The following CYP20A1 variants were observed in gnomAD, a reference collection of about 807,000 sequenced individuals.
The protein encoded by CYP20A1 is cytochrome P450 20A1.
CYP20A1 carries 61 observed loss-of-function variants against 61.4 expected under a neutral mutation model. The ratio of observed to expected loss-of-function variants is 0.99; its 90% CI spans 0.81 to 1.23. The LOEUF is 1.23. Among genes scored for constraint, CYP20A1 ranks in the 50% most tolerant of loss-of-function variants. CYP20A1 has a pLI of 0.00. For synonymous variants in CYP20A1, 193 were observed against 188.2 expected (o/e 1.03, Z -0.21); for missense variants, 530 against 542.4 (o/e 0.98, Z 0.23).
rs1279567009 is a variant in CYP20A1, at chr2:203,246,881, T to C, written c.249T>C (p.Thr83=). 6.2e-7 allele frequency: 1 copy of C among 1,614,086 alleles called. No individual in the cohort carries two copies. The highest frequency in any genetic ancestry group is 1.7e-5 in the Admixed American group (1 of 59,984). The part of the protein sequence containing the change: ...FGRRLVVSLG[T]VDVLKQHINP... ...GGCGCCTCGTGGTTAGTTTGGGCAC[T>C]GTTGATGTACTGAAGCAGCATATCA... Residue 83 remains threonine, a synonymous_variant, in exon 3 of 13, where the codon ACT becomes ACC. Transcript: ENST00000356079.
At position 203,242,183 on chromosome 2, in the gene CYP20A1, G is replaced by A. The variant is rs183849982; in HGVS notation, c.72+3049G>A. Among the ~76,000 whole-genome samples the A allele has an allele frequency of 1.6e-4, 25 of 151,938 alleles. No individual in the cohort carries two copies. The East Asian group carries it at 4.8e-3, about 29-fold the overall frequency. On this transcript the variant is annotated intron_variant, in intron 1 of 12. Transcript: ENST00000356079. ...TAATTTTTTATAGAAATGGGGTCCT[G>A]CTTTGTTGCCCAGGCTGGTCTCGAA...
chr2:203,249,123 A>G (rs1053406677), intron 3 of CYP20A1, among the ~76,000 whole-genome samples: 1 of 152,242 alleles, frequency 6.6e-6, no homozygotes, highest in African/African-American at 2.4e-5. Flanking sequence ...GGTTGGAGAG[A>G]ATGTAGATAA....
intron 2 of CYP20A1, 125 bp from the exon 3 acceptor site, chr2:203,246,630 C>T (rs1314249878): frequency 9.7e-6 from 9 of 928,016 alleles, no homozygotes; most frequent in African/African-American, 3.4e-5. Flanking sequence ...TTGGATTTTG[C>T]AGTAATTTGA....
intron 3 of CYP20A1, among the ~76,000 whole-genome samples, chr2:203,249,657 C>T (rs914375323): frequency 6.6e-6 from 1 of 152,020 alleles, no homozygotes; most frequent in Non-Finnish European, 1.5e-5. Flanking sequence ...CCAGCCTGGC[C>T]AACATGGTGA....
chr2:203,276,615 C>A (rs1314492999), intron 6 of CYP20A1, among the ~76,000 whole-genome samples: 1 of 151,988 alleles, frequency 6.6e-6, no homozygotes, highest in African/African-American at 2.4e-5. Flanking sequence ...GAGGGAGACA[C>A]CAAGGTTTTT....
rs1468558715 is a variant in CYP20A1 at position 203,296,952 on chromosome 2, C to A, written c.*44C>A. On this transcript the variant is annotated 3_prime_UTR_variant, in exon 13 of 13. Coordinates refer to ENST00000356079, the MANE Select transcript of CYP20A1 (RefSeq NM_177538.3). ...TCATTGTTAAATTGATTGAGGAAAA[C>A]AACCATTTAAAAAAAATCTATGTTG... is the stretch of plus-strand genomic sequence containing the variant. 3 of 1,181,000 alleles carry A rather than the reference C, an allele frequency of 2.5e-6. No individual in the cohort carries two copies. The highest frequency in any genetic ancestry group is 1.6e-5 in the African/African-American group (1 of 62,560). 73.2% of individuals were successfully genotyped at this position (1,181,000 alleles called of 1,614,324 possible). A position where few individuals can be genotyped will look rare whatever the true frequency, so the allele number is the denominator to read the frequency against.
At chr2:203,282,037 T>TC (rs1288780058) in intron 8 of CYP20A1, among the ~76,000 whole-genome samples, 2 of 135,914 alleles carry the variant, frequency 1.5e-5, no homozygotes, top group Non-Finnish European at 3.0e-5. Flanking sequence ...TATTCAACCT[T>TC]TTTTTTTTTT....
chr2:203,272,497 G>A (rs2067642187), intron 5 of CYP20A1, 173 bp from the exon 6 acceptor site: 1 of 322,496 alleles, frequency 3.1e-6, no homozygotes, highest in South Asian at 6.9e-5. Flanking sequence ...AGCTATGATC[G>A]TGCCATTGCA....
chr2:203,241,849 T>A (rs1054127438), intron 1 of CYP20A1, among the ~76,000 whole-genome samples: 1 of 152,166 alleles, frequency 6.6e-6, no homozygotes, highest in African/African-American at 2.4e-5. Flanking sequence ...ATTTTTTATT[T>A]TTTATTTTTT....
intron 11 of CYP20A1, 35 bp downstream of exon 11, chr2:203,292,361 A>G (rs986834986): frequency 6.6e-7 from 1 of 1,523,680 alleles, no homozygotes; most frequent in African/African-American, 1.4e-5. Flanking sequence ...TGTGACTGTC[A>G]GTTTTTGTGT....
rs2069081596 is a variant in CYP20A1, at chr2:203,302,988, G to A, written c.*6080G>A. 6.6e-6 allele frequency among the ~76,000 whole-genome samples: 1 copy of A among 151,692 alleles called. No individual in the cohort carries two copies. ...TTACAAGCATGAGCCACCGCGCTCG[G>A]TCCCTTTCTTTTTATTTATTTATTT... On this transcript the variant is annotated 3_prime_UTR_variant, in exon 13 of 13. Transcript: ENST00000356079.
rs1416913362 is a variant in CYP20A1 at position 203,304,912 on chromosome 2, G to A, written c.*8004G>A. Reference sequence around the variant, plus strand: ...GATCATGCCACTGCACTCCAGCCTAGGTGACAAAGCACAACCCTCAAATAA... The same window carrying A: ...GATCATGCCACTGCACTCCAGCCTAAGTGACAAAGCACAACCCTCAAATAA... On this transcript the variant is annotated 3_prime_UTR_variant, in exon 13 of 13. Coordinates refer to ENST00000356079, the MANE Select transcript of CYP20A1 (RefSeq NM_177538.3). 6.6e-6 allele frequency among the ~76,000 whole-genome samples: 1 copy of A among 152,020 alleles called. No homozygotes were observed. The highest frequency in any genetic ancestry group is 1.5e-5 in the Non-Finnish European group (1 of 68,020).
intron 1 of CYP20A1, among the ~76,000 whole-genome samples, chr2:203,240,262 A>G (rs2066209454): frequency 6.6e-6 from 1 of 152,224 alleles, no homozygotes; most frequent in South Asian, 2.1e-4. Flanking sequence ...CAACTACACA[A>G]TCAGGGACTT....
chr2:203,248,149 C>T (rs977163537), intron 3 of CYP20A1, among the ~76,000 whole-genome samples: 7 of 151,966 alleles, frequency 4.6e-5, no homozygotes, highest in South Asian at 2.1e-4. Context: ...TGCTTGAGTT[C>T]GGGAGGTTGA....
intron 2 of CYP20A1, 120 bp from the exon 3 acceptor site, chr2:203,246,635 A>T (rs2066466240): frequency 2.9e-6 from 3 of 1,025,230 alleles, no homozygotes; most frequent in Admixed American, 2.4e-5. Flanking sequence ...TTTTGCAGTA[A>T]TTTGAATTTC....
At chr2:203,268,213 C>T (rs933401165) in intron 5 of CYP20A1, among the ~76,000 whole-genome samples, 8 of 152,162 alleles carry the variant, frequency 5.3e-5, no homozygotes, top group Admixed American at 1.3e-4. Context: ...ATATTTCCTA[C>T]GAGCAAGGAT....
At chr2:203,265,090 T>G (rs2067273670) in intron 4 of CYP20A1, among the ~76,000 whole-genome samples, 1 of 152,238 alleles carries the variant, frequency 6.6e-6, no homozygotes, top group Non-Finnish European at 1.5e-5. Flanking sequence ...CTCTGTTAGC[T>G]TATTAGTTAC....
intron 1 of CYP20A1, among the ~76,000 whole-genome samples, chr2:203,239,990 G>A (rs577339291): frequency 9.2e-5 from 14 of 152,278 alleles, no homozygotes; most frequent in African/African-American, 3.4e-4. Flanking sequence ...CAGCTACTCA[G>A]GAGGCTGAGG....
rs2069126604 is a variant in CYP20A1 at position 203,304,002 on chromosome 2, T to A, written c.*7094T>A. The stretch of plus-strand genomic sequence containing the variant: ...TGGGAGTCCAAAGTGGGCGTATAAC[T>A]TGAGGTCAGGAGTTCAAGAACAGCC... On this transcript the variant is annotated 3_prime_UTR_variant, in exon 13 of 13. Coordinates refer to ENST00000356079, the MANE Select transcript of CYP20A1 (RefSeq NM_177538.3). 6.6e-6 allele frequency among the ~76,000 whole-genome samples: 1 copy of A among 151,958 alleles called. No individual in the cohort carries two copies. The highest frequency in any genetic ancestry group is 6.6e-5 in the Admixed American group (1 of 15,250).
Sources: gnomAD v4.1 joint callset for allele counts (sites outside exome capture counted in the v4.1 genomes callset) on GRCh38, gnomAD v4.1.1 for gene constraint, MANE v1.5 for transcripts, NCBI Gene and HGNC (gene_info 2026-07-23, HGNC 2026-07-21) for gene names.